Variants in ZSCAN5A observed in about 807,000 individuals in gnomAD.
ZSCAN5A encodes zinc finger and SCAN domain-containing protein 5A.
Under a neutral mutation model 23.7 loss-of-function variants are expected in ZSCAN5A, and 12 were observed. That is an observed-to-expected ratio of 0.51 (90% CI 0.32 to 0.82). The LOEUF (loss-of-function observed/expected upper bound fraction) is 0.82. ZSCAN5A is among the 40% of genes least tolerant of loss of function. The pLI is 0.03. For synonymous variants in ZSCAN5A, 257 were observed against 239.9 expected, an observed-to-expected ratio of 1.07 and a Z score of -0.66; for missense variants, 597 against 617.9, an observed-to-expected ratio of 0.97 and a Z score of 0.36.
At chr19:56,253,622 T>C (rs1385226373) in intron 2 of ZSCAN5A, among the ~76,000 whole-genome samples, 1 of 80,726 alleles carries the variant, frequency 1.2e-5, no homozygotes, top group African/African-American at 1.1e-4. Flanking sequence ...GGTTGTGATA[T>C]TAAGGACTGA....
chr19:56,320,336 G>T, intron 2 of ZSCAN5A: 1 of 371,204 alleles, frequency 2.7e-6, no homozygotes, highest in South Asian at 2.3e-5. Flanking sequence ...AGACCAGCCT[G>T]ACCAACATGG....
intron 2 of ZSCAN5A, among the ~76,000 whole-genome samples, chr19:56,233,675 G>T (rs1600029284): frequency 2.3e-5 from 3 of 128,494 alleles, no homozygotes; most frequent in Admixed American, 8.1e-5. Flanking sequence ...AAATACTACT[G>T]TTCACCCCAG....
At chr19:56,288,620 C>G (rs1288588329) in intron 2 of ZSCAN5A, among the ~76,000 whole-genome samples, 5 of 152,198 alleles carry the variant, frequency 3.3e-5, no homozygotes, top group African/African-American at 1.2e-4. Context: ...CCATACCTTG[C>G]GTGATGCCCA....
intron 2 of ZSCAN5A, among the ~76,000 whole-genome samples, chr19:56,344,927 A>AAAG (rs2041621357): frequency 2.0e-5 from 3 of 148,050 alleles, no homozygotes; most frequent in African/African-American, 7.5e-5. Context: ...AAAAAAAAAA[A>AAAG]AAAAAAAAGA....
intron 4 of ZSCAN5A, 37 bp from the exon 5 acceptor site, chr19:56,222,778 C>G (rs780295989): frequency 6.2e-7 from 1 of 1,613,746 alleles, no homozygotes. Context: ...ACTGCTGTGT[C>G]CAAACTGGTG....
chr19:56,223,140 A>AC (rs1327456454), intron 4 of ZSCAN5A, among the ~76,000 whole-genome samples: 1 of 151,870 alleles, frequency 6.6e-6, no homozygotes, highest in African/African-American at 2.4e-5. Context: ...CAGAGCAGAG[A>AC]CCCCACCTCC....
Position 56,281,593 on chromosome 19 carries a change from T to C in ZSCAN5A, c.-128+31690A>G, listed in dbSNP as rs906545978. ...CCATGAAGGAATAAAGAAATGCATG[T>C]AAAAATTAACAGAGATGGATGATGT... is the stretch of plus-strand genomic sequence containing the variant. On this transcript the variant is annotated intron_variant, in intron 2 of 5. Transcript: ENST00000683990. 9.7e-6 allele frequency: 6 copies of C among 616,004 alleles called. No individual in the cohort carries two copies. In the South Asian group the frequency reaches 3.6e-4, roughly 37 times the overall value. The allele number at this position is 616,004 out of a possible 1,614,324, so 38.2% of individuals were successfully genotyped here.
intron 2 of ZSCAN5A, among the ~76,000 whole-genome samples, chr19:56,235,728 T>A (rs373569445): frequency 1.8e-4 from 1 of 5,574 alleles, no homozygotes; most frequent in Non-Finnish European, 3.1e-4. Context: ...CTCTGATGGA[T>A]GGTGGGCCAA....
At chr19:56,252,714 A>G (rs974144167) in intron 2 of ZSCAN5A, among the ~76,000 whole-genome samples, 1 of 152,324 alleles carries the variant, frequency 6.6e-6, no homozygotes, top group African/African-American at 2.4e-5. Context: ...TCAAAAGTGG[A>G]GGTATGAACC....
chr19:56,343,033 C>T (rs2041606431), intron 2 of ZSCAN5A: 2 of 812,450 alleles, frequency 2.5e-6, no homozygotes, highest in Admixed American at 1.7e-5. Context: ...AGTCTTCTTT[C>T]CCCCAGAACT....
intron 2 of ZSCAN5A, among the ~76,000 whole-genome samples, chr19:56,252,419 T>C (rs74951699): frequency 0.016 from 2,396 of 152,298 alleles, 64 homozygotes; most frequent in African/African-American, 0.052. Context: ...CAAGAGGGTA[T>C]GAAGCTTATT....
rs374704460 is a variant in ZSCAN5A at position 56,307,539 on chromosome 19, A to G, written c.-128+5744T>C. Among the ~76,000 whole-genome samples, 13 of 152,354 alleles carry G rather than the reference A, an allele frequency of 8.5e-5. No homozygotes were observed. In the East Asian group the frequency reaches 9.6e-4, roughly 11 times the overall value. On this transcript the variant is annotated intron_variant, in intron 2 of 5. Coordinates refer to ENST00000683990, the MANE Select transcript of ZSCAN5A (RefSeq NM_001322064.3). The stretch of plus-strand genomic sequence containing the variant: ...GTGAGGTGATGAGATTTGCAAGCAC[A>G]GGGTACAGAAGGCCTCTGCTGTCTT...
chr19:56,302,144 A>C, intron 2 of ZSCAN5A: 1 of 1,215,634 alleles, frequency 8.2e-7, no homozygotes, highest in Non-Finnish European at 1.0e-6. Flanking sequence ...GAGGAAGGAA[A>C]GAGGAGGGAA....
At chr19:56,334,408 T>C (rs768735509) in intron 2 of ZSCAN5A, among the ~76,000 whole-genome samples, 1 of 152,246 alleles carries the variant, frequency 6.6e-6, no homozygotes, top group African/African-American at 2.4e-5. Flanking sequence ...AATTTTTTAT[T>C]TTGTTCACTT....
chr19:56,320,548 A>T (rs2041364451), intron 2 of ZSCAN5A: 1 of 463,074 alleles, frequency 2.2e-6, no homozygotes, highest in Admixed American at 3.2e-5. Flanking sequence ...GGAGGCGGTG[A>T]TTGCAGTGAG....
At chr19:56,335,100 T>C (rs778982257) in intron 2 of ZSCAN5A, among the ~76,000 whole-genome samples, 10 of 152,146 alleles carry the variant, frequency 6.6e-5, no homozygotes, top group Non-Finnish European at 1.3e-4. Context: ...GAGAAGAATG[T>C]AACCAGCCTG....
rs184634540 is a variant in ZSCAN5A at position 56,275,529 on chromosome 19, G to C, written c.-128+37754C>G. Among the ~76,000 whole-genome samples, 9 of 152,284 alleles carry C rather than the reference G, an allele frequency of 5.9e-5. No individual in the cohort carries two copies. In the East Asian group the frequency reaches 1.7e-3, roughly 29 times the overall value. ...GAGGATCACTTGAGGCCAGGAGTTTGAGACCAGCCTGGGCAACATAGTGAG... is the reference window on the plus strand; with the variant it reads ...GAGGATCACTTGAGGCCAGGAGTTTCAGACCAGCCTGGGCAACATAGTGAG... On this transcript the variant is annotated intron_variant, in intron 2 of 5. Coordinates refer to ENST00000683990, the MANE Select transcript of ZSCAN5A (RefSeq NM_001322064.3).
At chr19:56,283,782 ACATAGGG>A (rs1386728430) in intron 2 of ZSCAN5A, 1 of 152,244 alleles carries the variant, frequency 6.6e-6, no homozygotes, top group African/African-American at 2.4e-5. Flanking sequence ...CTCACCAGCA[ACATAGGG>A]ACAATATCTG....
intron 2 of ZSCAN5A, among the ~76,000 whole-genome samples, chr19:56,273,905 T>C (rs750715147): frequency 2.6e-5 from 4 of 152,150 alleles, no homozygotes; most frequent in Non-Finnish European, 5.9e-5. Context: ...TTAAACAATG[T>C]GTCTTGCCCT....
Sources: gnomAD v4.1 joint callset for allele counts (sites outside exome capture counted in the v4.1 genomes callset) on GRCh38, gnomAD v4.1.1 for gene constraint, MANE v1.5 for transcripts, NCBI Gene and HGNC (gene_info 2026-07-23, HGNC 2026-07-21) for gene names.